SEL1L3: variants seen among roughly 807,000 people sequenced by gnomAD.
The protein encoded by SEL1L3 is protein sel-1 homolog 3.
Under a neutral mutation model 142.8 loss-of-function variants are expected in SEL1L3, and 76 were observed. The ratio of observed to expected loss-of-function variants is 0.53; its 90% CI spans 0.44 to 0.64. The LOEUF is 0.64. Ranked by LOEUF, SEL1L3 falls within the 30% of genes least tolerant of loss-of-function variation. SEL1L3 has a pLI of 0.00. For missense variants in SEL1L3, 1,262 were observed against 1,381.7 expected, an observed-to-expected ratio of 0.91 and a Z score of 1.37; for synonymous variants, 504 against 519.6, an observed-to-expected ratio of 0.97 and a Z score of 0.41.
In SEL1L3 at chr4:25,850,759, C is replaced by T. The variant is rs528142704; in HGVS notation, c.163-2895G>A. Among the ~76,000 whole-genome samples, 59 of 152,280 alleles carry T rather than the reference C, an allele frequency of 3.9e-4. No homozygotes were observed. In the South Asian group the frequency reaches 7.0e-3, roughly 18 times the overall value. ...CCATACAGCTATTAAAAGGAGGAAG[C>T]TCTTCACGTACAGAAAATGGAATGA... On this transcript the variant is annotated intron_variant, in intron 1 of 23. Transcript: ENST00000399878.
chr4:25,830,507 C>G (rs1245131775), intron 5 of SEL1L3, among the ~76,000 whole-genome samples: 1 of 152,178 alleles, frequency 6.6e-6, no homozygotes, highest in Non-Finnish European at 1.5e-5. Context: ...TGTTTAAAAT[C>G]TTGCTCTGAT....
chr4:25,766,382 G>A (rs1417912900), intron 19 of SEL1L3, among the ~76,000 whole-genome samples: 1 of 149,878 alleles, frequency 6.7e-6, no homozygotes, highest in East Asian at 2.0e-4. Flanking sequence ...AGAGGTTGCA[G>A]TGAGCCGAGA....
At position 25,847,816 on chromosome 4, in the gene SEL1L3, T is replaced by A; in HGVS notation, c.211A>T (p.Ile71Leu). 1.2e-6 allele frequency: 2 copies of A among 1,605,930 alleles called. No individual in the cohort carries two copies. The highest frequency in any genetic ancestry group is 1.7e-6 in the Non-Finnish European group (2 of 1,176,364). Residue 71 changes from isoleucine to leucine, a missense_variant, in exon 2 of 24, where the codon ATA (isoleucine) becomes TTA (leucine). By Grantham distance (5) the Ile-to-Leu change is conservative. Around this residue, in one of 3 missense-constraint regions of SEL1L3, gnomAD observed 689 missense variants for 692.8 expected, o/e 0.99. Transcript: ENST00000399878. ...GCCACGCTCTGCTCAGCTTTGGGTA[T>A]CACTGATGTCGTCAGGGAAGTCTGC... ...GRQTSLTTSV[I>L]PKAEQSVAYK...
In SEL1L3 at chr4:25,757,743, G is replaced by A. The variant is rs370422080; in HGVS notation, c.3131C>T (p.Ala1044Val). 7 of 1,597,682 alleles carry A rather than the reference G, an allele frequency of 4.4e-6. No individual in the cohort carries two copies. Among genetic ancestry groups the A allele is most frequent in the African/African-American group, 4.0e-5 (3 of 74,636 alleles). ...NEESFSPCSLAWLYLHLRLLW... is the reference protein window; with the variant it reads ...NEESFSPCSLVWLYLHLRLLW... ...AAGCCGCAAGTGCAGGTAAAGCCAG[G>A]CCAAGGAGCAGGGGCTGAAGGACTC... Residue 1044 changes from alanine to valine, a missense_variant, in exon 22 of 24, where the codon GCC becomes GTC. Around this residue, in one of 3 missense-constraint regions of SEL1L3, gnomAD observed 138 missense variants for 129.7 expected, o/e 1.06. Coordinates refer to ENST00000399878, the MANE Select transcript of SEL1L3 (RefSeq NM_015187.5).
At chr4:25,858,734 C>A (rs1361134713) in intron 1 of SEL1L3, among the ~76,000 whole-genome samples, 3 of 151,986 alleles carry the variant, frequency 2.0e-5, no homozygotes, top group Non-Finnish European at 2.9e-5. Context: ...TATAGGTGCA[C>A]GCCACCACAC....
intron 1 of SEL1L3, among the ~76,000 whole-genome samples, chr4:25,860,145 C>A (rs1177553688): frequency 6.6e-6 from 1 of 152,200 alleles, no homozygotes; most frequent in Non-Finnish European, 1.5e-5. Context: ...GTAGCTCCTA[C>A]CTCAGAGGGC....
intron 7 of SEL1L3, among the ~76,000 whole-genome samples, chr4:25,820,381 C>A (rs909277007): frequency 6.6e-6 from 1 of 152,268 alleles, no homozygotes; most frequent in Non-Finnish European, 1.5e-5. Context: ...GACAGGCCCC[C>A]CTAGTGGCTC....
intron 7 of SEL1L3, among the ~76,000 whole-genome samples, chr4:25,821,455 T>C (rs930127473): frequency 4.6e-5 from 7 of 152,188 alleles, no homozygotes; most frequent in Non-Finnish European, 1.0e-4. Flanking sequence ...CGTTGGACAG[T>C]TCCATTCGGG....
chr4:25,804,844 AG>A, intron 9 of SEL1L3, 92 bp from the exon 10 acceptor site: 1 of 923,360 alleles, frequency 1.1e-6, no homozygotes. Flanking sequence ...AAATCACCTG[AG>A]TTATTGATAT....
At chr4:25,839,912 C>T (rs946833979) in intron 2 of SEL1L3, among the ~76,000 whole-genome samples, 5 of 152,188 alleles carry the variant, frequency 3.3e-5, no homozygotes, top group Non-Finnish European at 5.9e-5. Context: ...CTGCCCAATC[C>T]GCTTCAAAGA....
At chr4:25,779,230 A>G in intron 15 of SEL1L3, 27 bp from the exon 16 acceptor site, 1 of 1,610,518 alleles carries the variant, frequency 6.2e-7, no homozygotes. Flanking sequence ...ACAAACATCG[A>G]GTCATCCTAG....
At chr4:25,830,472 G>T (rs1201650826) in intron 5 of SEL1L3, among the ~76,000 whole-genome samples, 1 of 152,126 alleles carries the variant, frequency 6.6e-6, no homozygotes, top group African/African-American at 2.4e-5. Context: ...GAAAGACAAG[G>T]AAATATGTAT....
At chr4:25,793,106 G>A (rs1429202252) in intron 11 of SEL1L3, among the ~76,000 whole-genome samples, 1 of 152,154 alleles carries the variant, frequency 6.6e-6, no homozygotes, top group East Asian at 1.9e-4. Context: ...TCACATATGT[G>A]GAAACGGAGG....
chr4:25,743,582 G>A (rs1717177612), downstream of SEL1L3, among the ~76,000 whole-genome samples: 1 of 152,168 alleles, frequency 6.6e-6, no homozygotes, highest in Non-Finnish European at 1.5e-5. Context: ...GTTCAGTCTG[G>A]AAAGGCAGGA....
the SEL1L3 span, among the ~76,000 whole-genome samples, chr4:25,727,540 T>C: frequency 6.6e-6 from 1 of 152,156 alleles, no homozygotes; most frequent in African/African-American, 2.4e-5. Flanking sequence ...GCATTTTTAT[T>C]TGGAGGTGAA....
the SEL1L3 span, chr4:25,720,823 T>C: frequency 6.6e-6 from 1 of 152,182 alleles, no homozygotes; most frequent in Admixed American, 6.6e-5. Flanking sequence ...AGTATCTGCT[T>C]TTGACTACCT....
At chr4:25,809,144 A>T (rs1332676017) in intron 9 of SEL1L3, among the ~76,000 whole-genome samples, 12 of 139,308 alleles carry the variant, frequency 8.6e-5, no homozygotes, top group Non-Finnish European at 6.3e-5. Context: ...CTTCTTTTTT[A>T]TTTTATTTTA....
At chr4:25,833,243 T>C in intron 4 of SEL1L3, 133 bp from the exon 5 acceptor site, 2 of 713,816 alleles carry the variant, frequency 2.8e-6, no homozygotes, top group Non-Finnish European at 4.7e-6. Context: ...CAAACACGCA[T>C]TTATAAATGC....
intron 2 of SEL1L3, among the ~76,000 whole-genome samples, chr4:25,846,501 G>A (rs1716519677): frequency 6.6e-6 from 1 of 152,152 alleles, no homozygotes; most frequent in Non-Finnish European, 1.5e-5. Flanking sequence ...GATAGAAAGT[G>A]GCAGGACAGG....
Sources: gnomAD v4.1 joint callset for allele counts (sites outside exome capture counted in the v4.1 genomes callset) on GRCh38, gnomAD v4.1.1 for gene constraint, gnomAD v4.1.1 regional missense constraint, MANE v1.5 for transcripts, NCBI Gene and HGNC (gene_info 2026-07-23, HGNC 2026-07-21) for gene names.